The following INPP4B variants were observed in gnomAD, a reference collection of about 807,000 sequenced individuals.
The protein encoded by INPP4B is inositol polyphosphate 4-phosphatase type II.
A neutral mutation model predicts 122.5 loss-of-function variants in INPP4B; 55 were observed. That is an observed-to-expected ratio of 0.45 (90% confidence interval 0.36 to 0.56). The LOEUF is 0.56. Ranked by LOEUF, INPP4B falls within the 20% of genes least tolerant of loss-of-function variation. The pLI, the probability that INPP4B is intolerant of heterozygous loss-of-function variation, is 0.00. For missense variants in INPP4B, 1,000 were observed against 1,097.7 expected, an observed-to-expected ratio of 0.91 and a Z score of 1.26; for synonymous variants, 403 against 388.7, an observed-to-expected ratio of 1.04 and a Z score of -0.43.
At chr4:142,063,170 T>A (rs914973022) in intron 25 of INPP4B, among the ~76,000 whole-genome samples, 10 of 152,192 alleles carry the variant, frequency 6.6e-5, no homozygotes, top group African/African-American at 2.4e-4. Flanking sequence ...TCAATATCTA[T>A]GAGGAGTGCT....
At chr4:142,571,983 T>C (rs891357209) in intron 2 of INPP4B, among the ~76,000 whole-genome samples, 3 of 152,138 alleles carry the variant, frequency 2.0e-5, no homozygotes, top group Non-Finnish European at 4.4e-5. Context: ...CTAAAATAAG[T>C]TTGTGAATAT....
At chr4:142,031,077 AG>A (rs949846975) in intron 25 of INPP4B, among the ~76,000 whole-genome samples, 10 of 152,194 alleles carry the variant, frequency 6.6e-5, no homozygotes, top group African/African-American at 2.4e-4. Context: ...AAAAAAAAGT[AG>A]GGGGTTGGTT....
chr4:142,423,665 A>T, intron 5 of INPP4B: 1 of 266,836 alleles, frequency 3.7e-6, no homozygotes, highest in Non-Finnish European at 7.4e-6. Flanking sequence ...AATTTTAATC[A>T]TTAAACTCTA....
At chr4:142,600,167 C>T (rs953711981) in intron 2 of INPP4B, among the ~76,000 whole-genome samples, 1 of 152,066 alleles carries the variant, frequency 6.6e-6, no homozygotes, top group African/African-American at 2.4e-5. Context: ...GGAGGCCCAG[C>T]AATCCTCAAT....
chr4:142,242,448 C>CT (rs113512345), intron 11 of INPP4B, among the ~76,000 whole-genome samples: 15 of 152,278 alleles, frequency 9.9e-5, no homozygotes, highest in African/African-American at 3.4e-4. Context: ...TGAATTTCAT[C>CT]TGTAGAATTT....
chr4:142,403,118 A>G (rs1199875377), intron 6 of INPP4B, 64 bp from the exon 7 acceptor site: 23 of 852,056 alleles, frequency 2.7e-5, no homozygotes, highest in Non-Finnish European at 3.9e-5. Context: ...GCAGCACGCA[A>G]GTGACACATG....
At chr4:142,309,896 G>A (rs1241871823) in intron 8 of INPP4B, among the ~76,000 whole-genome samples, 2 of 152,096 alleles carry the variant, frequency 1.3e-5, no homozygotes, top group East Asian at 3.9e-4. Flanking sequence ...CTCCCTACAG[G>A]GAGTGTCCAC....
intron 2 of INPP4B, among the ~76,000 whole-genome samples, chr4:142,647,677 T>C (rs994253903): frequency 2.0e-5 from 3 of 152,274 alleles, no homozygotes; most frequent in Admixed American, 6.5e-5. Flanking sequence ...GGCATGAACA[T>C]TGAAACGGAT....
At chr4:142,194,649 C>T (rs1201994844) in intron 14 of INPP4B, among the ~76,000 whole-genome samples, 2 of 152,040 alleles carry the variant, frequency 1.3e-5, no homozygotes, top group Non-Finnish European at 2.9e-5. Context: ...TCTAAAACCC[C>T]AAGGATTTTA....
intron 7 of INPP4B, among the ~76,000 whole-genome samples, chr4:142,378,822 G>A (rs1175549190): frequency 6.6e-6 from 1 of 152,112 alleles, no homozygotes; most frequent in Non-Finnish European, 1.5e-5. Flanking sequence ...ACAACCACAT[G>A]TCCAGAGTTT....
chr4:142,468,650 TCTCTCTTGCTTC>T (rs532192982), intron 2 of INPP4B, among the ~76,000 whole-genome samples: 1 of 152,244 alleles, frequency 6.6e-6, no homozygotes, highest in South Asian at 2.1e-4. Flanking sequence ...CCCCTCTTGC[TCTCTCTTGCTTC>T]CTCTCTTGCC....
chr4:142,432,656 T>C (rs1182075608), intron 3 of INPP4B, among the ~76,000 whole-genome samples: 1 of 152,082 alleles, frequency 6.6e-6, no homozygotes, highest in Non-Finnish European at 1.5e-5. Context: ...TAGCACCACG[T>C]TCTCCCAAAG....
chr4:142,452,024 G>T (rs77923717), intron 3 of INPP4B, among the ~76,000 whole-genome samples: 1 of 152,048 alleles, frequency 6.6e-6, no homozygotes. Context: ...ATTTACATTA[G>T]GTATTTCTCC....
At chr4:142,807,176 C>T (rs1228133430) in intron 1 of INPP4B, among the ~76,000 whole-genome samples, 1 of 152,104 alleles carries the variant, frequency 6.6e-6, no homozygotes, top group Admixed American at 6.5e-5. Flanking sequence ...GAGCCATTTC[C>T]TTCCATGGTA....
chr4:142,095,838 A>G (rs754563309), intron 23 of INPP4B, among the ~76,000 whole-genome samples: 2 of 152,210 alleles, frequency 1.3e-5, no homozygotes, highest in Non-Finnish European at 2.9e-5. Flanking sequence ...TTGTTTGTAC[A>G]CAGCAGAAAT....
At chr4:142,230,611 C>A (rs1314748133) in intron 12 of INPP4B, among the ~76,000 whole-genome samples, 5 of 142,644 alleles carry the variant, frequency 3.5e-5, no homozygotes, top group African/African-American at 1.3e-4. Context: ...CCATTGCACT[C>A]CAGCCTGGGC....
chr4:142,699,371 C>G (rs571473920), intron 2 of INPP4B, among the ~76,000 whole-genome samples: 7 of 152,230 alleles, frequency 4.6e-5, no homozygotes, highest in African/African-American at 1.7e-4. Context: ...TTATTGCATT[C>G]AGCCATATCT....
intron 18 of INPP4B, among the ~76,000 whole-genome samples, chr4:142,136,598 T>C (rs1042195291): frequency 1.3e-5 from 2 of 152,122 alleles, no homozygotes; most frequent in Non-Finnish European, 2.9e-5. Context: ...GAGTTTAATA[T>C]GACTGGATCA....
chr4:142,516,808 T>A (rs1825475319), intron 2 of INPP4B, among the ~76,000 whole-genome samples: 1 of 151,780 alleles, frequency 6.6e-6, no homozygotes, highest in Admixed American at 6.6e-5. Context: ...GTTGGCTGCA[T>A]CCCTCTGTTG....
Sources: gnomAD v4.1 joint callset for allele counts (sites outside exome capture counted in the v4.1 genomes callset) on GRCh38, gnomAD v4.1.1 for gene constraint, MANE v1.5 for transcripts, NCBI Gene and HGNC (gene_info 2026-07-23, HGNC 2026-07-21) for gene names.